Variants in SLCO3A1 observed in about 807,000 individuals in gnomAD.
SLCO3A1 encodes solute carrier organic anion transporter family member 3A1.
A neutral mutation model predicts 63.1 loss-of-function variants in SLCO3A1; 27 were observed. The observed-to-expected ratio is 0.43, with a 90% CI of 0.32 to 0.59. The LOEUF is 0.59. Ranked by LOEUF, SLCO3A1 falls within the 20% of genes least tolerant of loss-of-function variation. The pLI is 0.09. For missense variants in SLCO3A1, 773 were observed against 945.8 expected (o/e 0.82, Z 2.40); for synonymous variants, 473 against 409.9 (o/e 1.15, Z -1.86).
At chr15:91,927,480 A>G (rs1899070642) in intron 2 of SLCO3A1, among the ~76,000 whole-genome samples, 1 of 152,188 alleles carries the variant, frequency 6.6e-6, no homozygotes. Flanking sequence ...GACATGAATG[A>G]ACTGGCCAAA....
chr15:91,972,048 T>C (rs1900896330), intron 2 of SLCO3A1, among the ~76,000 whole-genome samples: 1 of 152,096 alleles, frequency 6.6e-6, no homozygotes. Flanking sequence ...CATTTCAGAT[T>C]TTGGATTTTT....
intron 2 of SLCO3A1, among the ~76,000 whole-genome samples, chr15:92,000,403 TAAAA>T (rs56354930): frequency 1.0e-3 from 140 of 138,310 alleles, no homozygotes; most frequent in African/African-American, 3.8e-3. Flanking sequence ...CCTTTTTTTT[TAAAA>T]AAAAAAAAAG....
intron 2 of SLCO3A1, among the ~76,000 whole-genome samples, chr15:91,939,906 T>G (rs915253207): frequency 6.6e-6 from 1 of 152,092 alleles, no homozygotes; most frequent in African/African-American, 2.4e-5. Context: ...TGGTTCTATC[T>G]ACTTAGCACA....
rs1309603127 is a variant in SLCO3A1 at position 91,942,401 on chromosome 15, T to A, written c.646+25943T>A. Among the ~76,000 whole-genome samples the A allele has an allele frequency of 6.6e-6, 1 of 152,184 alleles. No homozygotes were observed. Among genetic ancestry groups the A allele is most frequent in the Non-Finnish European group, 1.5e-5 (1 of 68,040 alleles). Reference sequence around the variant, plus strand: ...ATGTATATTCCTATAGCTGTGCAGGTAAAACATGCCATTTAGCAGTGCTAC... The same window carrying A: ...ATGTATATTCCTATAGCTGTGCAGGAAAAACATGCCATTTAGCAGTGCTAC... On this transcript the variant is annotated intron_variant, in intron 2 of 9. Coordinates refer to ENST00000318445, the MANE Select transcript of SLCO3A1 (RefSeq NM_013272.4). The surrounding 1 kb of genome is among the most constrained non-coding windows in gnomAD (Gnocchi z 4.1).
At chr15:92,047,817 C>T (rs191327147) in intron 2 of SLCO3A1, among the ~76,000 whole-genome samples, 22 of 150,576 alleles carry the variant, frequency 1.5e-4, no homozygotes, top group African/African-American at 5.1e-4. Flanking sequence ...TGAGCCTCTT[C>T]CTGCTCAGCC....
intron 2 of SLCO3A1, among the ~76,000 whole-genome samples, chr15:91,965,750 G>A (rs1418073352): frequency 6.7e-6 from 1 of 150,228 alleles, no homozygotes; most frequent in Non-Finnish European, 1.5e-5. Context: ...GTGTGTGTGT[G>A]TGTGGAGGGA....
rs1193786563 is a variant in SLCO3A1 at position 92,164,951 on chromosome 15, GA to G, written c.*1824del. Reference sequence around the variant, plus strand: ...TGTTCATGTCACATTCCTGGCGCTGGAAAAAAAACTCAAAGGTTGATTGGTT... The same window carrying G: ...TGTTCATGTCACATTCCTGGCGCTGGAAAAAAACTCAAAGGTTGATTGGTT... On this transcript the variant is annotated 3_prime_UTR_variant, in exon 10 of 10. Transcript: ENST00000318445. 4 of 975,602 alleles carry G rather than the reference GA, an allele frequency of 4.1e-6. No individual in the cohort carries two copies. The highest frequency in any genetic ancestry group is 3.6e-6 in the Non-Finnish European group (3 of 826,790). 60.4% of individuals were successfully genotyped at this position (975,602 alleles called of 1,614,324 possible).
chr15:92,146,667 T>C (rs1304048630), intron 7 of SLCO3A1, among the ~76,000 whole-genome samples: 2 of 152,218 alleles, frequency 1.3e-5, no homozygotes, highest in Non-Finnish European at 2.9e-5. Context: ...TTTATCATAT[T>C]GTGGAAGCGC....
At chr15:92,171,948 G>C in exon 11 of SLCO3A1, 1 of 979,820 alleles carries the variant, frequency 1.0e-6, no homozygotes, top group Non-Finnish European at 1.6e-6. Flanking sequence ...GCTCCTCCCT[G>C]TCCGAGAACC....
chr15:92,079,817 G>A (rs781403153), intron 2 of SLCO3A1, among the ~76,000 whole-genome samples: 2 of 152,252 alleles, frequency 1.3e-5, no homozygotes, highest in Non-Finnish European at 2.9e-5. Context: ...GCCTGAACTA[G>A]ACACAAGGTC....
intron 2 of SLCO3A1, among the ~76,000 whole-genome samples, chr15:92,036,798 G>A (rs575878165): frequency 1.1e-3 from 166 of 152,188 alleles, no homozygotes; most frequent in African/African-American, 3.8e-3. Flanking sequence ...CCCAAATCTC[G>A]TGGTAATTAC....
intron 2 of SLCO3A1, among the ~76,000 whole-genome samples, chr15:92,091,040 C>A (rs909942058): frequency 6.6e-6 from 1 of 152,152 alleles, no homozygotes; most frequent in Non-Finnish European, 1.5e-5. Flanking sequence ...TGGACTTTTC[C>A]CTTAGGGGGT....
rs1401542156 is a variant in SLCO3A1, at chr15:91,866,657, C to G, written c.180+12569C>G. 2.0e-5 allele frequency among the ~76,000 whole-genome samples: 3 copies of G among 151,438 alleles called. No individual in the cohort carries two copies. The East Asian group carries it at 5.8e-4, about 29-fold the overall frequency. On this transcript the variant is annotated intron_variant, in intron 1 of 9. Transcript: ENST00000318445. ...ACTTCGACAACTTCCTTAAGTGCTG[C>G]GAGCAATATAGAGTTGAGTAAGGCA... is the stretch of plus-strand genomic sequence containing the variant.
chr15:92,059,223 G>T (rs955680182), intron 2 of SLCO3A1, among the ~76,000 whole-genome samples: 2 of 152,152 alleles, frequency 1.3e-5, no homozygotes, highest in Admixed American at 1.3e-4. Flanking sequence ...ACAGAGAAAG[G>T]CCAAAGCCAG....
At chr15:91,899,844 G>T (rs1281022686) in intron 1 of SLCO3A1, among the ~76,000 whole-genome samples, 2 of 152,098 alleles carry the variant, frequency 1.3e-5, no homozygotes, top group African/African-American at 2.4e-5. Context: ...CATACAAACA[G>T]AATCATGCAA....
chr15:92,114,711 G>T (rs898965868), intron 4 of SLCO3A1, among the ~76,000 whole-genome samples: 1 of 151,996 alleles, frequency 6.6e-6, no homozygotes, highest in Admixed American at 6.6e-5. Flanking sequence ...TCTTCTGTCT[G>T]TGGGTCTCAT....
downstream of SLCO3A1, among the ~76,000 whole-genome samples, chr15:92,166,080 C>T (rs1755666709): frequency 6.7e-6 from 1 of 148,892 alleles, no homozygotes; most frequent in Non-Finnish European, 1.5e-5. Context: ...GTTTTTCTAC[C>T]AATATCATTC....
chr15:92,080,065 T>C (rs569551499), intron 2 of SLCO3A1, among the ~76,000 whole-genome samples: 1 of 152,234 alleles, frequency 6.6e-6, no homozygotes, highest in Non-Finnish European at 1.5e-5. Flanking sequence ...TGGCTGGGCC[T>C]GGAGAGAAAG....
intron 2 of SLCO3A1, among the ~76,000 whole-genome samples, chr15:92,030,799 C>T (rs528763749): frequency 1.9e-3 from 284 of 152,286 alleles, no homozygotes; most frequent in Middle Eastern, 6.8e-3. Context: ...CGCTCGCATT[C>T]TAAGTACACC....
Sources: gnomAD v4.1 joint callset for allele counts (sites outside exome capture counted in the v4.1 genomes callset) on GRCh38, gnomAD v4.1.1 for gene constraint, Gnocchi (gnomAD v3.1) non-coding constraint, MANE v1.5 for transcripts, NCBI Gene and HGNC (gene_info 2026-07-23, HGNC 2026-07-21) for gene names.